NEK1: variants seen among roughly 807,000 people sequenced by gnomAD.
The protein encoded by NEK1 is NIMA related kinase 1, also known as serine/threonine-protein kinase Nek1.
In NEK1, 137 loss-of-function variants were observed where a neutral mutation model predicts 182.1. The ratio of observed to expected loss-of-function variants is 0.75; its 90% CI spans 0.65 to 0.87. NEK1 has a LOEUF of 0.87. Among genes scored for constraint, NEK1 ranks in the 40% least tolerant of loss-of-function variants. The probability of loss-of-function intolerance (pLI) is 0.00; values close to 1 mark genes in which losing one functional copy is unlikely to be tolerated. For missense variants in NEK1, 1,391 were observed against 1,494.4 expected (o/e 0.93, Z 1.14); for synonymous variants, 513 against 492.2 (o/e 1.04, Z -0.56).
chr4:169,545,810 A>C, intron 18 of NEK1, among the ~76,000 whole-genome samples: 1 of 152,090 alleles, frequency 6.6e-6, no homozygotes, highest in Non-Finnish European at 1.5e-5. Context: ...AGTGATGATG[A>C]GCATTTTTTC....
chr4:169,393,534 C>T lies in NEK1; in HGVS notation c.*976G>A, dbSNP rs1035657148. The T allele has an allele frequency of 6.6e-6, 1 of 152,154 alleles. No homozygotes were observed. Among genetic ancestry groups the T allele is most frequent in the African/African-American group, 2.4e-5 (1 of 41,446 alleles). The allele number at this position is 152,154 out of a possible 1,614,324, so 9.4% of individuals were successfully genotyped here. ...TCTAACGAAACCAGGTTATACTTGGCATATTGTGATTGAAGCTGTGTGATC... is the reference window on the plus strand; with the variant it reads ...TCTAACGAAACCAGGTTATACTTGGTATATTGTGATTGAAGCTGTGTGATC... On this transcript the variant is annotated 3_prime_UTR_variant, in exon 36 of 36. Coordinates refer to ENST00000507142, the MANE Select transcript of NEK1 (RefSeq NM_001199397.3).
At chr4:169,564,824 T>C (rs187231786) in intron 12 of NEK1, among the ~76,000 whole-genome samples, 77 of 152,292 alleles carry the variant, frequency 5.1e-4, no homozygotes, top group African/African-American at 1.8e-3. Flanking sequence ...TAAATGATAA[T>C]AATGAGTCTT....
intron 19 of NEK1, among the ~76,000 whole-genome samples, chr4:169,528,037 A>G (rs575800159): frequency 6.6e-6 from 1 of 152,286 alleles, no homozygotes; most frequent in South Asian, 2.1e-4. Context: ...GTATAATACT[A>G]TAAAAAAAAT....
At chr4:169,567,239 CT>C (rs962356437) in intron 12 of NEK1, among the ~76,000 whole-genome samples, 2 of 151,772 alleles carry the variant, frequency 1.3e-5, no homozygotes, top group Non-Finnish European at 2.9e-5. Context: ...ACTGCCGTTT[CT>C]TTTTTTTCCT....
chr4:169,576,808 G>A, intron 12 of NEK1, 120 bp downstream of exon 12: 1 of 961,906 alleles, frequency 1.0e-6, no homozygotes, highest in Non-Finnish European at 1.6e-6. Flanking sequence ...ACAGAAGGAG[G>A]ACATTCCTTG....
chr4:169,526,817 G>A (rs564231803), intron 19 of NEK1, among the ~76,000 whole-genome samples: 27 of 152,290 alleles, frequency 1.8e-4, no homozygotes, highest in African/African-American at 6.5e-4. Flanking sequence ...TTACAAACCT[G>A]TGGGAGAAAA....
At chr4:169,583,645 T>C (rs1228070716) in intron 10 of NEK1, among the ~76,000 whole-genome samples, 2 of 152,198 alleles carry the variant, frequency 1.3e-5, no homozygotes, top group Non-Finnish European at 2.9e-5. Context: ...ACTCCTGGTA[T>C]AGGGAGAAAG....
intron 26 of NEK1, among the ~76,000 whole-genome samples, chr4:169,475,695 T>C (rs1408440814): frequency 6.6e-6 from 1 of 152,030 alleles, no homozygotes; most frequent in Non-Finnish European, 1.5e-5. Context: ...GTAAAGACAT[T>C]AATAAAATTT....
At chr4:169,442,015 A>T (rs1021187084) in intron 27 of NEK1, among the ~76,000 whole-genome samples, 1 of 152,070 alleles carries the variant, frequency 6.6e-6, no homozygotes, top group African/African-American at 2.4e-5. Flanking sequence ...CCTGGAGACT[A>T]GCCCTCTCAG....
intron 26 of NEK1, among the ~76,000 whole-genome samples, chr4:169,467,399 C>A (rs557797232): frequency 3.3e-5 from 5 of 152,128 alleles, no homozygotes; most frequent in African/African-American, 1.2e-4. Context: ...ATAGGCTGTG[C>A]TAAGTTAATA....
At chr4:169,439,615 T>G (rs1028647777) in intron 27 of NEK1, among the ~76,000 whole-genome samples, 1 of 152,140 alleles carries the variant, frequency 6.6e-6, no homozygotes, top group Non-Finnish European at 1.5e-5. Flanking sequence ...ATTATTATTA[T>G]TAAAGATTGC....
At chr4:169,484,192 T>G (rs66464570) in intron 23 of NEK1, among the ~76,000 whole-genome samples, 42,685 of 151,820 alleles carry the variant, frequency 0.28, 8,487 homozygotes, top group African/African-American at 0.57. Flanking sequence ...AGGATTACAG[T>G]TATGTGCCAC....
intron 22 of NEK1, 114 bp downstream of exon 22, chr4:169,507,601 G>T: frequency 1.7e-6 from 1 of 580,080 alleles, no homozygotes; most frequent in Non-Finnish European, 2.8e-6. Context: ...AAAGATGAAA[G>T]AAAAATTAAA....
At chr4:169,492,707 C>A (rs997029494) in intron 23 of NEK1, among the ~76,000 whole-genome samples, 2 of 152,170 alleles carry the variant, frequency 1.3e-5, no homozygotes, top group African/African-American at 4.8e-5. Context: ...CACTGCACCA[C>A]CACCCGCAGA....
intron 32 of NEK1, among the ~76,000 whole-genome samples, chr4:169,406,339 C>T (rs1732607693): frequency 6.6e-6 from 1 of 151,780 alleles, no homozygotes. Context: ...GTAAGTTATC[C>T]CCTCTTTTTT....
In NEK1 at chr4:169,612,116, T is replaced by A. The variant is rs1353529367; in HGVS notation, c.-145A>T. On this transcript the variant is annotated 5_prime_UTR_variant, in exon 2 of 36. Transcript: ENST00000507142. ...CCTACGGGGCTTAATAAAGCAGAGG[T>A]ACCATCCCGCATTTTGAAAATGACA... 6.6e-6 allele frequency: 1 copy of A among 152,248 alleles called. No individual in the cohort carries two copies. Among genetic ancestry groups the A allele is most frequent in the East Asian group, 1.9e-4 (1 of 5,190 alleles). The allele number at this position is 152,248 out of a possible 1,614,324, so 9.4% of individuals were successfully genotyped here. A position where few individuals can be genotyped will look rare whatever the true frequency, so the allele number is the denominator to read the frequency against.
rs141722053 is a variant in NEK1 at position 169,530,587 on chromosome 4, T to C, written c.1665+7222A>G. ...CAATAAATACATTTTTGACTAAATA[T>C]TTTCAATTTACAATAGTTTATCAAA... On this transcript the variant is annotated intron_variant, in intron 19 of 35. Transcript: ENST00000507142. Among the ~76,000 whole-genome samples, 69 of 152,142 alleles carry C rather than the reference T, an allele frequency of 4.5e-4. No homozygotes were observed. In the East Asian group the frequency reaches 0.011, roughly 25 times the overall value.
At chr4:169,606,852 G>A (rs77391616) in intron 2 of NEK1, among the ~76,000 whole-genome samples, 10,872 of 152,194 alleles carry the variant, frequency 0.071, 1,272 homozygotes, top group African/African-American at 0.25. Flanking sequence ...ATGCATTGAG[G>A]GGCTATAATC....
chr4:169,512,292 A>T (rs1043058635), intron 19 of NEK1, among the ~76,000 whole-genome samples: 1 of 151,934 alleles, frequency 6.6e-6, no homozygotes, highest in Admixed American at 6.6e-5. Context: ...TTTTATCACT[A>T]TTTTTTTATT....
Sources: gnomAD v4.1 joint callset for allele counts (sites outside exome capture counted in the v4.1 genomes callset) on GRCh38, gnomAD v4.1.1 for gene constraint, MANE v1.5 for transcripts, NCBI Gene and HGNC (gene_info 2026-07-23, HGNC 2026-07-21) for gene names.